RAPGEF2: variants seen among roughly 807,000 people sequenced by gnomAD.
RAPGEF2 encodes the protein Rap guanine nucleotide exchange factor 2, also known as PDZ domain containing guanine nucleotide exchange factor (GEF) 1.
A neutral mutation model predicts 186.7 loss-of-function variants in RAPGEF2; 54 were observed. That is an observed-to-expected ratio of 0.29 (90% CI 0.23 to 0.36). The LOEUF (loss-of-function observed/expected upper bound fraction) is 0.36. Ranked by LOEUF, RAPGEF2 falls within the 10% of genes least tolerant of loss-of-function variation. The pLI, the probability that RAPGEF2 is intolerant of heterozygous loss-of-function variation, is 1.00. For synonymous variants in RAPGEF2, 712 were observed against 705.9 expected, an observed-to-expected ratio of 1.01 and a Z score of -0.14; for missense variants, 1,532 against 2,045.0, an observed-to-expected ratio of 0.75 and a Z score of 4.84.
chr4:159,239,978 T>G (rs1753761648), intron 5 of RAPGEF2, among the ~76,000 whole-genome samples: 1 of 152,166 alleles, frequency 6.6e-6, no homozygotes, highest in Non-Finnish European at 1.5e-5. Flanking sequence ...TTTGTAAAAT[T>G]TACTAAAATA....
At chr4:159,134,909 A>G (rs1420465450) in intron 1 of RAPGEF2, among the ~76,000 whole-genome samples, 1 of 152,094 alleles carries the variant, frequency 6.6e-6, no homozygotes, top group Admixed American at 6.5e-5. Flanking sequence ...CTGTCTGTCT[A>G]TGTGTTTTCC....
chr4:159,162,109 G>GT (rs1744774296), intron 1 of RAPGEF2, among the ~76,000 whole-genome samples: 1 of 151,750 alleles, frequency 6.6e-6, no homozygotes, highest in Admixed American at 6.6e-5. Context: ...TCTTTGCTGG[G>GT]TGTGGTAGGT....
intron 1 of RAPGEF2, among the ~76,000 whole-genome samples, chr4:159,124,986 C>G (rs1346511267): frequency 6.6e-6 from 1 of 151,524 alleles, no homozygotes; most frequent in Admixed American, 6.6e-5. Flanking sequence ...CTTCAGTTTT[C>G]TAGCCTAACT....
At chr4:159,201,256 A>G (rs1749378853) in intron 3 of RAPGEF2, among the ~76,000 whole-genome samples, 1 of 152,246 alleles carries the variant, frequency 6.6e-6, no homozygotes, top group South Asian at 2.1e-4. Flanking sequence ...AGTAACAGAA[A>G]TGATGTAATG....
chr4:159,197,959 T>C (rs1332676747), intron 3 of RAPGEF2, among the ~76,000 whole-genome samples: 1 of 152,228 alleles, frequency 6.6e-6, no homozygotes, highest in Non-Finnish European at 1.5e-5. Flanking sequence ...ATCTTCAGCC[T>C]CTTCTTCCTG....
intron 8 of RAPGEF2, 77 bp downstream of exon 8, chr4:159,304,550 T>G: frequency 7.4e-7 from 1 of 1,353,734 alleles, no homozygotes; most frequent in South Asian, 1.3e-5. Flanking sequence ...GCTGATAGAA[T>G]CTATAAAATA....
At chr4:159,215,878 C>G (rs887470432) in intron 4 of RAPGEF2, among the ~76,000 whole-genome samples, 2 of 152,094 alleles carry the variant, frequency 1.3e-5, no homozygotes, top group Admixed American at 1.3e-4. Flanking sequence ...GAGATTAGGA[C>G]AAAGACTATA....
chr4:159,324,682 C>T (rs938112799), intron 11 of RAPGEF2, among the ~76,000 whole-genome samples: 4 of 152,060 alleles, frequency 2.6e-5, no homozygotes, highest in African/African-American at 7.2e-5. Context: ...AAAGAAAATA[C>T]TTGATATCAA....
chr4:159,343,745 G>A (rs548698094), intron 22 of RAPGEF2, among the ~76,000 whole-genome samples: 8 of 152,154 alleles, frequency 5.3e-5, no homozygotes, highest in South Asian at 2.1e-4. Context: ...AAATAGTCTT[G>A]TCTCAATATC....
At chr4:159,112,944 G>A (rs75905405) in intron 1 of RAPGEF2, among the ~76,000 whole-genome samples, 1 of 152,288 alleles carries the variant, frequency 6.6e-6, no homozygotes, top group African/African-American at 2.4e-5. Context: ...AATAAGACAT[G>A]TCAACATCAT....
In RAPGEF2 at chr4:159,168,743, A is replaced by G. The variant is rs185669923; in HGVS notation, c.70-17899A>G. Among the ~76,000 whole-genome samples the G allele has an allele frequency of 4.5e-4, 69 of 152,336 alleles. 1 individual carries two copies. The East Asian group carries it at 0.01, about 23-fold the overall frequency. Reference sequence around the variant, plus strand: ...GTTTCATTATGCGTAGGAGGTACTCAGTAACAGTTTTCCAATGGAAAGAAT... The same window carrying G: ...GTTTCATTATGCGTAGGAGGTACTCGGTAACAGTTTTCCAATGGAAAGAAT... On this transcript the variant is annotated intron_variant, in intron 1 of 29. Coordinates refer to ENST00000691494, the MANE Select transcript of RAPGEF2 (RefSeq NM_001394067.2).
intron 1 of RAPGEF2, among the ~76,000 whole-genome samples, chr4:159,152,894 G>A (rs1743713929): frequency 6.6e-6 from 1 of 152,200 alleles, no homozygotes; most frequent in African/African-American, 2.4e-5. Flanking sequence ...GGGATTACAG[G>A]CGTGAGCCAC....
At chr4:159,270,998 T>C (rs1282542779) in intron 7 of RAPGEF2, among the ~76,000 whole-genome samples, 3 of 152,192 alleles carry the variant, frequency 2.0e-5, no homozygotes, top group African/African-American at 7.2e-5. Flanking sequence ...ATTTCAGAAA[T>C]GTATTATGAG....
intron 9 of RAPGEF2, among the ~76,000 whole-genome samples, chr4:159,318,224 G>A (rs60907272): frequency 0.28 from 43,255 of 152,054 alleles, 7,847 homozygotes; most frequent in African/African-American, 0.51. Flanking sequence ...GGTGTTGTTT[G>A]TTCTATGTAA....
chr4:159,257,522 A>C (rs1231096159), intron 7 of RAPGEF2, among the ~76,000 whole-genome samples: 1 of 152,174 alleles, frequency 6.6e-6, no homozygotes, highest in Non-Finnish European at 1.5e-5. Flanking sequence ...GAATTACGGG[A>C]GCTGTAAAAT....
At chr4:159,307,830 G>T (rs576829663) in intron 8 of RAPGEF2, among the ~76,000 whole-genome samples, 1 of 152,178 alleles carries the variant, frequency 6.6e-6, no homozygotes, top group African/African-American at 2.4e-5. Flanking sequence ...AATTAGCCAG[G>T]TGTAGTGGTG....
chr4:159,267,950 C>T (rs1351418178), intron 7 of RAPGEF2: 2 of 1,344,478 alleles, frequency 1.5e-6, no homozygotes, highest in Non-Finnish European at 1.9e-6. Flanking sequence ...TGGAGACGAA[C>T]ACTGTTGTTC....
intron 28 of RAPGEF2, among the ~76,000 whole-genome samples, chr4:159,354,839 C>T (rs571719844): frequency 6.6e-6 from 1 of 152,194 alleles, no homozygotes; most frequent in Non-Finnish European, 1.5e-5. Context: ...CTCATGCGCC[C>T]TCAGTCCTGT....
intron 7 of RAPGEF2, among the ~76,000 whole-genome samples, chr4:159,275,054 CGTG>C (rs1758659530): frequency 7.0e-6 from 1 of 143,868 alleles, no homozygotes; most frequent in South Asian, 2.3e-4. Context: ...CTCTGTCTCT[CGTG>C]TGTGTGTGTG....
Sources: allele counts gnomAD v4.1 joint callset (sites outside exome capture counted in the v4.1 genomes callset), GRCh38; gene constraint gnomAD v4.1.1; transcripts MANE v1.5; gene names NCBI Gene and HGNC (gene_info 2026-07-23, HGNC 2026-07-21).